Variants in KCNAB1 observed in about 807,000 individuals in gnomAD.
The protein encoded by KCNAB1 is potassium voltage-gated channel subfamily A regulatory beta subunit 1, also known as voltage-gated potassium channel subunit beta-1.
In KCNAB1, 35 loss-of-function variants were observed where a neutral mutation model predicts 64.6. The ratio of observed to expected loss-of-function variants is 0.54; its 90% confidence interval spans 0.41 to 0.72. The LOEUF (loss-of-function observed/expected upper bound fraction) is 0.72, where lower values mean the gene tolerates loss of function less well. Among genes scored for constraint, KCNAB1 ranks in the 30% least tolerant of loss-of-function variants. The pLI is 0.00. For synonymous variants in KCNAB1, 177 were observed against 183.8 expected (o/e 0.96, Z 0.30); for missense variants, 401 against 512.9 (o/e 0.78, Z 2.11).
chr3:156,410,963 G>A (rs1714612158), intron 1 of KCNAB1, among the ~76,000 whole-genome samples: 1 of 152,122 alleles, frequency 6.6e-6, no homozygotes, highest in Admixed American at 6.5e-5. Flanking sequence ...TAAATACTTA[G>A]GAATGAAATA....
chr3:156,284,395 C>T (rs1278928648), intron 1 of KCNAB1, among the ~76,000 whole-genome samples: 1 of 152,222 alleles, frequency 6.6e-6, no homozygotes, highest in Non-Finnish European at 1.5e-5. Flanking sequence ...ACATGTAAGT[C>T]TGCAGAAGTT....
chr3:156,447,814 C>T (rs1186268564), intron 2 of KCNAB1, among the ~76,000 whole-genome samples: 1 of 152,216 alleles, frequency 6.6e-6, no homozygotes, highest in Non-Finnish European at 1.5e-5. Context: ...TGTATTAGTA[C>T]TGTACCCATG....
intron 1 of KCNAB1, among the ~76,000 whole-genome samples, chr3:156,361,539 T>C (rs1725613747): frequency 6.6e-6 from 1 of 152,250 alleles, no homozygotes; most frequent in South Asian, 2.1e-4. Flanking sequence ...CACTATCATG[T>C]ATGCTCCATG....
intron 1 of KCNAB1, among the ~76,000 whole-genome samples, chr3:156,403,035 T>C (rs1361575462): frequency 1.3e-5 from 2 of 152,238 alleles, no homozygotes; most frequent in Non-Finnish European, 2.9e-5. Context: ...GGATAACATT[T>C]ACCTCTACTA....
chr3:156,461,293 A>C (rs949447563), intron 5 of KCNAB1, among the ~76,000 whole-genome samples: 2 of 152,204 alleles, frequency 1.3e-5, no homozygotes, highest in African/African-American at 4.8e-5. Context: ...TGGCAGGGCC[A>C]TGCTCCCTCT....
intron 8 of KCNAB1, among the ~76,000 whole-genome samples, chr3:156,500,905 A>G (rs1403602852): frequency 6.6e-6 from 1 of 152,198 alleles, no homozygotes; most frequent in Non-Finnish European, 1.5e-5. Flanking sequence ...ACCACGTTCT[A>G]TGATAGAATT....
chr3:156,246,378 G>C (rs150505853), intron 1 of KCNAB1, among the ~76,000 whole-genome samples: 2,285 of 152,240 alleles, frequency 0.015, 59 homozygotes, highest in African/African-American at 0.052. Flanking sequence ...GGCCGAGGAG[G>C]GCAGATCATG....
chr3:156,276,950 A>T (rs1245352466), intron 1 of KCNAB1, among the ~76,000 whole-genome samples: 1 of 152,138 alleles, frequency 6.6e-6, no homozygotes, highest in Non-Finnish European at 1.5e-5. Context: ...GCTGTTTGGC[A>T]AAAGTGGCCT....
intron 1 of KCNAB1, among the ~76,000 whole-genome samples, chr3:156,318,125 G>GTCTT (rs531422260): frequency 4.6e-5 from 7 of 152,260 alleles, no homozygotes; most frequent in East Asian, 3.9e-4. Context: ...TGTGCTGGGT[G>GTCTT]TCTTTCTTTC....
intron 1 of KCNAB1, among the ~76,000 whole-genome samples, chr3:156,131,387 G>A (rs1422296576): frequency 6.6e-6 from 1 of 152,150 alleles, no homozygotes. Context: ...TACACACATT[G>A]TGACCTAATT....
intron 1 of KCNAB1, among the ~76,000 whole-genome samples, chr3:156,406,514 G>T (rs1409986638): frequency 2.0e-5 from 3 of 152,152 alleles, no homozygotes; most frequent in Admixed American, 2.0e-4. Context: ...GGATTTTGGA[G>T]CTGGATCTTG....
At chr3:156,339,254 G>A (rs1723935759) in intron 1 of KCNAB1, among the ~76,000 whole-genome samples, 1 of 151,914 alleles carries the variant, frequency 6.6e-6, no homozygotes, top group African/African-American at 2.4e-5. Flanking sequence ...ACTCTTTTTT[G>A]ACATCCTGGA....
intron 1 of KCNAB1, among the ~76,000 whole-genome samples, chr3:156,326,437 G>C (rs557008632): frequency 6.6e-6 from 1 of 152,226 alleles, no homozygotes; most frequent in South Asian, 2.1e-4. Context: ...TGCCCACTCT[G>C]ATCCCAGATG....
chr3:156,338,792 A>G (rs935532299), intron 1 of KCNAB1, among the ~76,000 whole-genome samples: 3 of 152,102 alleles, frequency 2.0e-5, no homozygotes, highest in Non-Finnish European at 4.4e-5. Context: ...AGGAGAGAGC[A>G]TTCTCCTCCT....
chr3:156,455,492 A>G (rs56232722), intron 3 of KCNAB1, among the ~76,000 whole-genome samples: 14,387 of 152,310 alleles, frequency 0.094, 858 homozygotes, highest in African/African-American at 0.17. Context: ...ACTGATATGA[A>G]TAATTATTTA....
chr3:156,317,934 C>A (rs74385388), intron 1 of KCNAB1, among the ~76,000 whole-genome samples: 1 of 152,102 alleles, frequency 6.6e-6, no homozygotes, highest in Non-Finnish European at 1.5e-5. Flanking sequence ...TATGCTAATT[C>A]CCATTCAACT....
chr3:156,223,865 C>G (rs982962302), intron 1 of KCNAB1, among the ~76,000 whole-genome samples: 16 of 152,246 alleles, frequency 1.1e-4, no homozygotes, highest in African/African-American at 3.9e-4. Flanking sequence ...GTATCCCGCA[C>G]TGGGGCACAG....
intron 1 of KCNAB1, among the ~76,000 whole-genome samples, chr3:156,314,185 A>C (rs1229410922): frequency 6.6e-6 from 1 of 152,252 alleles, no homozygotes. Flanking sequence ...TATACTGGGC[A>C]CAGTTCAGAG....
At chr3:156,339,863 AG>A (rs1723982448) in intron 1 of KCNAB1, among the ~76,000 whole-genome samples, 1 of 152,162 alleles carries the variant, frequency 6.6e-6, no homozygotes, top group South Asian at 2.1e-4. Flanking sequence ...TCCCAGAAAG[AG>A]GTGGTACTGG....
Sources: allele counts gnomAD v4.1 joint callset (sites outside exome capture counted in the v4.1 genomes callset), GRCh38; gene constraint gnomAD v4.1.1; transcripts MANE v1.5; gene names NCBI Gene and HGNC (gene_info 2026-07-23, HGNC 2026-07-21).